Variants in KCNIP4 observed in about 807,000 individuals in gnomAD.
KCNIP4 encodes the protein Kv channel-interacting protein 4.
A neutral mutation model predicts 34.0 loss-of-function variants in KCNIP4; 12 were observed. The ratio of observed to expected loss-of-function variants is 0.35; its 90% CI spans 0.23 to 0.57. The LOEUF is 0.57. Among genes scored for constraint, KCNIP4 ranks in the 20% least tolerant of loss-of-function variants. The pLI, the probability that KCNIP4 is intolerant of heterozygous loss-of-function variation, is 0.83. For synonymous variants in KCNIP4, 124 were observed against 102.2 expected (o/e 1.21, Z -1.29); for missense variants, 238 against 311.7 (o/e 0.76, Z 1.78).
At chr4:21,071,180 T>G (rs760091172) in intron 1 of KCNIP4, among the ~76,000 whole-genome samples, 14 of 152,166 alleles carry the variant, frequency 9.2e-5, no homozygotes, top group Non-Finnish European at 1.8e-4. Flanking sequence ...TCCCAGGTCC[T>G]GAAGATTTTC....
intron 1 of KCNIP4, among the ~76,000 whole-genome samples, chr4:21,632,155 T>C (rs1394694972): frequency 6.6e-6 from 1 of 152,218 alleles, no homozygotes. Context: ...TCCATGCTTT[T>C]TGATGTTCAG....
At chr4:21,471,415 C>G (rs554442032) in intron 1 of KCNIP4, among the ~76,000 whole-genome samples, 25 of 152,138 alleles carry the variant, frequency 1.6e-4, no homozygotes, top group African/African-American at 6.0e-4. Context: ...GGGAGAGTTG[C>G]AGAAGCTAGG....
chr4:21,406,097 A>G (rs778196259), intron 1 of KCNIP4, among the ~76,000 whole-genome samples: 2 of 152,094 alleles, frequency 1.3e-5, no homozygotes, highest in Non-Finnish European at 2.9e-5. Context: ...AGCTTCCCAA[A>G]GTGTTAGGAT....
At chr4:21,688,330 C>T (rs1304957098) in intron 1 of KCNIP4, among the ~76,000 whole-genome samples, 1 of 152,092 alleles carries the variant, frequency 6.6e-6, no homozygotes, top group Non-Finnish European at 1.5e-5. Flanking sequence ...GAATGCTGAA[C>T]CAGTATATAT....
rs1750696021 is a variant in KCNIP4 at position 21,127,232 on chromosome 4, A to G, written c.62-244523T>C. 2.0e-5 allele frequency among the ~76,000 whole-genome samples: 3 copies of G among 152,238 alleles called. No individual in the cohort carries two copies. In the South Asian group the frequency reaches 6.2e-4, roughly 32 times the overall value. ...TACAGGGCAATTGCTTCTGCATCCC[A>G]TTACCAGAGGGAGTGTGTTCTCTGG... On this transcript the variant is annotated intron_variant, in intron 1 of 8. Coordinates refer to ENST00000382152, the MANE Select transcript of KCNIP4 (RefSeq NM_025221.6).
At chr4:21,945,489 C>A (rs948932421) in intron 1 of KCNIP4, among the ~76,000 whole-genome samples, 1 of 152,088 alleles carries the variant, frequency 6.6e-6, no homozygotes, top group African/African-American at 2.4e-5. Flanking sequence ...TTGAGTTTGC[C>A]TTATTTTTAA....
intron 1 of KCNIP4, among the ~76,000 whole-genome samples, chr4:21,001,275 C>T (rs1428477991): frequency 6.6e-6 from 1 of 152,100 alleles, no homozygotes; most frequent in African/African-American, 2.4e-5. Context: ...TCAATTTCCC[C>T]TTGGGAGAAA....
chr4:21,458,240 G>A (rs1355674555), intron 1 of KCNIP4, among the ~76,000 whole-genome samples: 2 of 148,222 alleles, frequency 1.3e-5, no homozygotes, highest in Non-Finnish European at 3.0e-5. Flanking sequence ...GAGAATATGC[G>A]GTGTTTGGTT....
intron 1 of KCNIP4, among the ~76,000 whole-genome samples, chr4:21,732,342 T>A (rs1715669284): frequency 6.6e-6 from 1 of 152,116 alleles, no homozygotes; most frequent in African/African-American, 2.4e-5. Context: ...AAATATGAGA[T>A]ATTTCAAAGC....
At chr4:20,882,787 C>T in intron 1 of KCNIP4, 78 bp from the exon 2 acceptor site, 1 of 1,173,942 alleles carries the variant, frequency 8.5e-7, no homozygotes, top group Non-Finnish European at 1.3e-6. Flanking sequence ...ATCAGAGAAG[C>T]CAGGCAGGAA....
intron 1 of KCNIP4, among the ~76,000 whole-genome samples, chr4:21,804,657 C>T (rs1259209131): frequency 6.6e-6 from 1 of 152,038 alleles, no homozygotes; most frequent in African/African-American, 2.4e-5. Context: ...CTTTAAAAAC[C>T]TATAATTCTA....
At chr4:20,817,125 G>A (rs1331375868) in intron 3 of KCNIP4, among the ~76,000 whole-genome samples, 1 of 152,188 alleles carries the variant, frequency 6.6e-6, no homozygotes, top group East Asian at 1.9e-4. Context: ...CAATCTCTGG[G>A]AGAGGAAGGA....
chr4:21,269,913 T>C (rs1762038394), intron 1 of KCNIP4, among the ~76,000 whole-genome samples: 1 of 152,186 alleles, frequency 6.6e-6, no homozygotes, highest in Non-Finnish European at 1.5e-5. Context: ...GTTTTGGATG[T>C]GAGCTAAAAA....
chr4:21,406,548 TA>T (rs1724008749), intron 1 of KCNIP4, among the ~76,000 whole-genome samples: 1 of 152,314 alleles, frequency 6.6e-6, no homozygotes, highest in South Asian at 2.1e-4. Context: ...AGCTCATCTT[TA>T]TAATATTCTT....
intron 1 of KCNIP4, among the ~76,000 whole-genome samples, chr4:21,246,148 T>C (rs984696044): frequency 7.2e-5 from 11 of 152,164 alleles, no homozygotes; most frequent in Non-Finnish European, 1.6e-4. Context: ...CAGTCACATT[T>C]GCAAGAGTAG....
At chr4:21,312,150 G>A (rs1298247259) in intron 1 of KCNIP4, among the ~76,000 whole-genome samples, 1 of 152,150 alleles carries the variant, frequency 6.6e-6, no homozygotes, top group African/African-American at 2.4e-5. Flanking sequence ...CAACTCATTT[G>A]AGCTGTACAT....
intron 1 of KCNIP4, among the ~76,000 whole-genome samples, chr4:20,893,560 C>A (rs931310526): frequency 6.6e-6 from 1 of 151,268 alleles, no homozygotes; most frequent in Non-Finnish European, 1.5e-5. Context: ...GTAGCTGGGA[C>A]TATGGGCACA....
rs149030063 is a variant in KCNIP4, at chr4:21,715,321, G to A, written c.61+233250C>T. ...TAATTTTTCTATTTTTAGTAGACAC[G>A]GGGTTTCACCGTGTTGGCCAGGATG... On this transcript the variant is annotated intron_variant, in intron 1 of 8. Transcript: ENST00000382152. Among the ~76,000 whole-genome samples the A allele has an allele frequency of 3.5e-3, 535 of 151,904 alleles. 7 individuals carry two copies. The highest frequency in any genetic ancestry group is 0.024 in the Middle Eastern group (7 of 294).
chr4:20,864,127 C>T (rs1315489512), intron 2 of KCNIP4, among the ~76,000 whole-genome samples: 1 of 125,138 alleles, frequency 8.0e-6, no homozygotes, highest in Non-Finnish European at 2.0e-5. Flanking sequence ...TCCATGTATA[C>T]ACATGTATGT....
Sources: gnomAD v4.1 joint callset for allele counts (sites outside exome capture counted in the v4.1 genomes callset) on GRCh38, gnomAD v4.1.1 for gene constraint, MANE v1.5 for transcripts, NCBI Gene and HGNC (gene_info 2026-07-23, HGNC 2026-07-21) for gene names.